PCDHGA11: variants seen among roughly 807,000 people sequenced by gnomAD.
PCDHGA11 encodes protocadherin gamma subfamily A, 11.
In PCDHGA11, 39 loss-of-function variants were observed where a neutral mutation model predicts 60.4. The ratio of observed to expected loss-of-function variants is 0.65; its 90% CI spans 0.50 to 0.84. The LOEUF (loss-of-function observed/expected upper bound fraction) is 0.84. Among genes scored for constraint, PCDHGA11 ranks in the 40% least tolerant of loss-of-function variants. The pLI is 0.00. For missense variants in PCDHGA11, 1,165 were observed against 1,197.7 expected (o/e 0.97, Z 0.40); for synonymous variants, 533 against 510.3 (o/e 1.04, Z -0.60).
intron 1 of PCDHGA11, among the ~76,000 whole-genome samples, chr5:141,446,482 C>CT (rs112180482): frequency 6.3e-4 from 92 of 147,004 alleles, no homozygotes; most frequent in East Asian, 4.0e-3. Context: ...GGTCATCATT[C>CT]TTTTTTTTTT....
chr5:141,494,832 G>T lies in PCDHGA11; in HGVS notation c.2459G>T (p.Arg820Leu). 1 of 1,614,066 alleles carries T rather than the reference G, an allele frequency of 6.2e-7. No homozygotes were observed. ...CAAGCCCCGCCCAACACGGACTGGCGTTTCTCTCAGGCCCAGAGACCCGGC... is the reference window on the plus strand; with the variant it reads ...CAAGCCCCGCCCAACACGGACTGGCTTTTCTCTCAGGCCCAGAGACCCGGC... The part of the protein sequence containing the change: ...NQQAPPNTDW[R>L]FSQAQRPGTS... The change falls in exon 2 of 4, where the codon CGT becomes CTT. Residue 820 changes from arginine to leucine, a missense_variant. Transcript: ENST00000398587.
At chr5:141,471,508 G>A (rs1262338812) in intron 1 of PCDHGA11, 3 of 152,216 alleles carry the variant, frequency 2.0e-5, no homozygotes, top group African/African-American at 7.2e-5. Context: ...AAGAGAGGGA[G>A]TAAAAATAAC....
chr5:141,490,321 G>C lies in PCDHGA11; in HGVS notation c.2434-4486G>C. On this transcript the variant is annotated intron_variant, in intron 1 of 3. Coordinates refer to ENST00000398587, the MANE Select transcript of PCDHGA11 (RefSeq NM_018914.3). The surrounding 1 kb of genome is among the most constrained non-coding windows in gnomAD (Gnocchi z 5.4). ...GGCCTCTTTGGCCAACCCTGTCCTA[G>C]AGAGCACACCAGTGGGCACAGTAGT... 1.2e-6 allele frequency: 2 copies of C among 1,614,220 alleles called. No homozygotes were observed. The highest frequency in any genetic ancestry group is 1.7e-6 in the Non-Finnish European group (2 of 1,180,044).
In PCDHGA11 at chr5:141,476,715, G is replaced by A. The variant is rs199871912; in HGVS notation, c.2434-18092G>A. 12 of 1,614,168 alleles carry A rather than the reference G, an allele frequency of 7.4e-6. No individual in the cohort carries two copies. The highest frequency in any genetic ancestry group is 1.7e-5 in the Admixed American group (1 of 60,032). On this transcript the variant is annotated intron_variant, in intron 1 of 3. Coordinates refer to ENST00000398587, the MANE Select transcript of PCDHGA11 (RefSeq NM_018914.3). The surrounding 1 kb of genome is among the most constrained non-coding windows in gnomAD (Gnocchi z 7.6). ...AAGTACGCGGAGCTGGTGTTGGAGC[G>A]CGCCCTGGACCGAGAACGGGAGCCT...
chr5:141,473,382 C>A (rs780229708), intron 1 of PCDHGA11, among the ~76,000 whole-genome samples: 12 of 152,190 alleles, frequency 7.9e-5, no homozygotes, highest in Non-Finnish European at 1.8e-4. Context: ...TGGTCCCTGC[C>A]CTCCTGGAGC....
At chr5:141,497,101 G>A (rs1465038195) in intron 2 of PCDHGA11, among the ~76,000 whole-genome samples, 1 of 152,042 alleles carries the variant, frequency 6.6e-6, no homozygotes, top group African/African-American at 2.4e-5. Flanking sequence ...AGGCAGAACT[G>A]CTTGAACCCG....
chr5:141,424,962 C>G (rs1018789700), intron 1 of PCDHGA11, among the ~76,000 whole-genome samples: 2 of 152,116 alleles, frequency 1.3e-5, no homozygotes, highest in Admixed American at 6.6e-5. Flanking sequence ...GTATTTGCCC[C>G]AAATTACTTG....
Position 141,490,179 on chromosome 5 carries a change from A to G in PCDHGA11, c.2434-4628A>G. On this transcript the variant is annotated intron_variant, in intron 1 of 3. Transcript: ENST00000398587. This position sits in a 1 kb window ranked among gnomAD's most constrained non-coding sequence, Gnocchi z 5.4. Reference sequence around the variant, plus strand: ...TGGGTCCCATAGACTTTGAGGAGTCACGTTTCTATGAAATTCATGCAAGAG... The same window carrying G: ...TGGGTCCCATAGACTTTGAGGAGTCGCGTTTCTATGAAATTCATGCAAGAG... 1 of 1,614,202 alleles carries G rather than the reference A, an allele frequency of 6.2e-7. No individual in the cohort carries two copies. Among genetic ancestry groups the G allele is most frequent in the East Asian group, 2.2e-5 (1 of 44,882 alleles).
intron 1 of PCDHGA11, among the ~76,000 whole-genome samples, chr5:141,459,184 G>GC (rs2098963022): frequency 6.6e-6 from 1 of 152,134 alleles, no homozygotes; most frequent in South Asian, 2.1e-4. Flanking sequence ...GTTCCCTCAT[G>GC]CCCCTTTGCA....
chr5:141,422,472 G>T lies in PCDHGA11; in HGVS notation c.1245G>T (p.Leu415Phe). The change falls in exon 1 of 4, where the codon TTG (leucine) becomes TTT (phenylalanine). Residue 415 changes from leucine to phenylalanine, a missense_variant. By Grantham distance (22) the Leu-to-Phe change is conservative. Coordinates refer to ENST00000398587, the MANE Select transcript of PCDHGA11 (RefSeq NM_018914.3). ...LITSRVLDRE[L>F]VQSYNITLTA... ...CAAGCAGAGTGCTGGACAGGGAGTT[G>T]GTCCAGAGCTACAATATAACGTTGA... 2 of 1,613,680 alleles carry T rather than the reference G, an allele frequency of 1.2e-6. No homozygotes were observed. The highest frequency in any genetic ancestry group is 1.7e-6 in the Non-Finnish European group (2 of 1,179,796).
At position 141,485,163 on chromosome 5, in the gene PCDHGA11, G is replaced by A. The variant is rs2099608470; in HGVS notation, c.2434-9644G>A. 14 of 1,604,624 alleles carry A rather than the reference G, an allele frequency of 8.7e-6. No individual in the cohort carries two copies. The highest frequency in any genetic ancestry group is 1.1e-5 in the Non-Finnish European group (13 of 1,172,560). ...TCTCAGGAGCAAGTAGAGAATTAGCGGGCGGCAGCAATGCTCCGCAAGGTG... is the reference window on the plus strand; with the variant it reads ...TCTCAGGAGCAAGTAGAGAATTAGCAGGCGGCAGCAATGCTCCGCAAGGTG... On this transcript the variant is annotated intron_variant, in intron 1 of 3. Coordinates refer to ENST00000398587, the MANE Select transcript of PCDHGA11 (RefSeq NM_018914.3). The surrounding 1 kb of genome is among the most constrained non-coding windows in gnomAD (Gnocchi z 5.7).
chr5:141,432,227 T>C lies in PCDHGA11; in HGVS notation c.2433+8567T>C, dbSNP rs1046414550. On this transcript the variant is annotated intron_variant, in intron 1 of 3. Coordinates refer to ENST00000398587, the MANE Select transcript of PCDHGA11 (RefSeq NM_018914.3). This position sits in a 1 kb window ranked among gnomAD's most constrained non-coding sequence, Gnocchi z 6.0. ...TGAAGAGAACGCCCAGATCACTTATTCCCTGGCTGAGAACACCATCCAAGG... is the reference window on the plus strand; with the variant it reads ...TGAAGAGAACGCCCAGATCACTTATCCCCTGGCTGAGAACACCATCCAAGG... 1.4e-5 allele frequency: 22 copies of C among 1,614,080 alleles called. No individual in the cohort carries two copies. The highest frequency in any genetic ancestry group is 1.8e-5 in the Non-Finnish European group (21 of 1,180,042).
chr5:141,436,383 G>A (rs1374382672), intron 1 of PCDHGA11, among the ~76,000 whole-genome samples: 1 of 152,104 alleles, frequency 6.6e-6, no homozygotes, highest in Admixed American at 6.5e-5. Flanking sequence ...AGCTGAATAG[G>A]CTTTATTAAA....
intron 2 of PCDHGA11, among the ~76,000 whole-genome samples, chr5:141,495,452 C>G (rs543717781): frequency 1.3e-5 from 2 of 152,356 alleles, no homozygotes; most frequent in South Asian, 2.1e-4. Context: ...TTGTCCTGCT[C>G]TCTGTCTGTG....
rs564486909 is a variant in PCDHGA11, at chr5:141,428,072, G to C, written c.2433+4412G>C. ...AGGTGGTGGCGGTGGACGCAGATTC[G>C]GGACACAACGCTTGGCTGTCCTACC... is the stretch of plus-strand genomic sequence containing the variant. On this transcript the variant is annotated intron_variant, in intron 1 of 3. Transcript: ENST00000398587. 5 of 1,609,080 alleles carry C rather than the reference G, an allele frequency of 3.1e-6. 1 individual carries two copies. The South Asian group carries it at 5.5e-5, about 18-fold the overall frequency.
At chr5:141,479,189 G>A (rs1466742057) in intron 1 of PCDHGA11, 3 of 152,358 alleles carry the variant, frequency 2.0e-5, no homozygotes, top group African/African-American at 7.2e-5. Flanking sequence ...AGAAAATTCA[G>A]AAAATACAGA....
chr5:141,492,948 CA>C (rs2099745260), intron 1 of PCDHGA11, among the ~76,000 whole-genome samples: 1 of 152,188 alleles, frequency 6.6e-6, no homozygotes, highest in Non-Finnish European at 1.5e-5. Flanking sequence ...TGGAGGTGAC[CA>C]AACTATCTGA....
At chr5:141,423,797 C>A in intron 1 of PCDHGA11, 137 bp downstream of exon 1, 2 of 1,249,164 alleles carry the variant, frequency 1.6e-6, no homozygotes, top group African/African-American at 1.6e-5. Flanking sequence ...ATATTTAGAG[C>A]AATACATGTG....
chr5:141,485,134 C>G lies in PCDHGA11; in HGVS notation c.2434-9673C>G, dbSNP rs967744072. 1.3e-6 allele frequency: 2 copies of G among 1,495,962 alleles called. No individual in the cohort carries two copies. Among genetic ancestry groups the G allele is most frequent in the South Asian group, 2.4e-5 (2 of 84,482 alleles). 92.7% of individuals were successfully genotyped at this position (1,495,962 alleles called of 1,614,324 possible). ...CTGTTTGGGGCGGGTCGGCTTCATC[C>G]GCGTCTCAGGAGCAAGTAGAGAATT... On this transcript the variant is annotated intron_variant, in intron 1 of 3. Transcript: ENST00000398587. The surrounding 1 kb of genome is among the most constrained non-coding windows in gnomAD (Gnocchi z 5.7).
Sources: gnomAD v4.1 joint callset for allele counts (sites outside exome capture counted in the v4.1 genomes callset) on GRCh38, gnomAD v4.1.1 for gene constraint, Gnocchi (gnomAD v3.1) non-coding constraint, MANE v1.5 for transcripts, NCBI Gene and HGNC (gene_info 2026-07-23, HGNC 2026-07-21) for gene names.